The following ZNF444 variants were observed in gnomAD, a reference collection of about 807,000 sequenced individuals.
ZNF444 encodes zinc finger protein 444.
ZNF444 carries 8 observed loss-of-function variants against 14.4 expected under a neutral mutation model. The observed-to-expected ratio is 0.56, with a 90% CI of 0.33 to 1.00. The LOEUF (loss-of-function observed/expected upper bound fraction) is 1.00, where lower values mean the gene tolerates loss of function less well. ZNF444 is among the 50% of genes least tolerant of loss of function. ZNF444 has a pLI of 0.03. For synonymous variants in ZNF444, 258 were observed against 235.9 expected (o/e 1.09, Z -0.86); for missense variants, 510 against 504.8 (o/e 1.01, Z -0.10).
intron 4 of ZNF444, among the ~76,000 whole-genome samples, 166 bp from the exon 5 acceptor site, chr19:56,159,458 A>T (rs1173493646): frequency 6.6e-6 from 1 of 152,102 alleles, no homozygotes; most frequent in Non-Finnish European, 1.5e-5. Flanking sequence ...GCCAGGCACT[A>T]CTAGGTACCG....
At position 56,145,391 on chromosome 19, in the gene ZNF444, G is replaced by C. The variant is rs944238372; in HGVS notation, c.-196-856G>C. Among the ~76,000 whole-genome samples, 4 of 152,190 alleles carry C rather than the reference G, an allele frequency of 2.6e-5. No homozygotes were observed. Among genetic ancestry groups the C allele is most frequent in the Admixed American group, 1.3e-4 (2 of 15,282 alleles). ...ACCTGAGGTCAGGAGTTTGAGACCAGTCTGGCCAACCTGGCGAAACCCCGT... is the reference window on the plus strand; with the variant it reads ...ACCTGAGGTCAGGAGTTTGAGACCACTCTGGCCAACCTGGCGAAACCCCGT... On this transcript the variant is annotated intron_variant, in intron 1 of 4. Transcript: ENST00000337080. This position sits in a 1 kb window ranked among gnomAD's most constrained non-coding sequence, Gnocchi z 4.3.
chr19:56,159,997 C>T lies in ZNF444; in HGVS notation c.780C>T (p.Tyr260=). ...GCTGCGAGTGTGGCAAGACCTTCTA[C>T]TGGCGCGAGCACCTGGTGCGCCACC... ...HACCECGKTF[Y]WREHLVRHRK... The change falls in exon 5 of 5, where the codon TAC becomes TAT. Residue 260 remains tyrosine, a synonymous_variant. Coordinates refer to ENST00000337080, the MANE Select transcript of ZNF444 (RefSeq NM_018337.4). 6.6e-7 allele frequency: 1 copy of T among 1,512,230 alleles called. No homozygotes were observed. Among genetic ancestry groups the T allele is most frequent in the South Asian group, 1.2e-5 (1 of 82,436 alleles). The allele number at this position is 1,512,230 out of a possible 1,614,324, so 93.7% of individuals were successfully genotyped here. A position where few individuals can be genotyped will look rare whatever the true frequency, so the allele number is the denominator to read the frequency against.
chr19:56,148,439 G>T (rs567923992), intron 3 of ZNF444, among the ~76,000 whole-genome samples: 1 of 152,170 alleles, frequency 6.6e-6, no homozygotes, highest in African/African-American at 2.4e-5. Flanking sequence ...AGCAGAGAGG[G>T]GGCATCTCGG....
chr19:56,142,326 C>G (rs2030881170), intron 1 of ZNF444: 1 of 152,226 alleles, frequency 6.6e-6, no homozygotes. Flanking sequence ...GTACCTCGTC[C>G]AAGGACACAG....
chr19:56,153,303 G>T (rs948041944), intron 3 of ZNF444, among the ~76,000 whole-genome samples: 2 of 152,194 alleles, frequency 1.3e-5, no homozygotes, highest in Admixed American at 1.3e-4. Flanking sequence ...GGTATGTCTA[G>T]CCCCAGCTGG....
chr19:56,142,544 G>A (rs915787403), intron 1 of ZNF444, among the ~76,000 whole-genome samples: 2 of 152,182 alleles, frequency 1.3e-5, no homozygotes, highest in Non-Finnish European at 2.9e-5. Flanking sequence ...GGTAGACATC[G>A]TATGTTGCAC....
intron 3 of ZNF444, chr19:56,154,797 C>T (rs915870731): frequency 1.3e-5 from 2 of 152,242 alleles, no homozygotes; most frequent in Non-Finnish European, 2.9e-5. Context: ...AGCTTGATCC[C>T]ACAGTGGGTG....
At chr19:56,143,514 G>C (rs550672335) in intron 1 of ZNF444, 5 of 152,386 alleles carry the variant, frequency 3.3e-5, no homozygotes, top group African/African-American at 1.2e-4. Flanking sequence ...ATGGATGGGT[G>C]GGGTGGGAGG....
chr19:56,153,072 C>T (rs1216868571), intron 3 of ZNF444, among the ~76,000 whole-genome samples: 3 of 152,044 alleles, frequency 2.0e-5, no homozygotes, highest in Non-Finnish European at 4.4e-5. Flanking sequence ...TGCCTCATGA[C>T]CTGTGTGAGC....
chr19:56,160,091 C>T lies in ZNF444; in HGVS notation c.874C>T (p.His292Tyr). Reference protein sequence around the residue: ...ECGKGFGRREHVLRHQRIHGR... With the variant: ...ECGKGFGRREYVLRHQRIHGR... ...TGGCAAGGGCTTCGGGCGCCGCGAG[C>T]ACGTGCTGCGCCACCAGCGCATCCA... Residue 292 changes from histidine to tyrosine, a missense_variant, in exon 5 of 5, where the codon CAC becomes TAC. Transcript: ENST00000337080. 6.7e-7 allele frequency: 1 copy of T among 1,499,600 alleles called. No individual in the cohort carries two copies. The highest frequency in any genetic ancestry group is 8.9e-7 in the Non-Finnish European group (1 of 1,129,898). The allele number at this position is 1,499,600 out of a possible 1,614,324, so 92.9% of individuals were successfully genotyped here.
At chr19:56,139,237 G>C (rs1280407197), upstream of ZNF444, among the ~76,000 whole-genome samples, 1 of 152,128 alleles carries the variant, frequency 6.6e-6, no homozygotes, top group Non-Finnish European at 1.5e-5. Flanking sequence ...GCAGGAGGCA[G>C]AAGAGGCGAG....
rs920947180 is a variant in ZNF444, at chr19:56,160,422, T to C, written c.*221T>C. 6.5e-6 allele frequency: 3 copies of C among 461,660 alleles called. No individual in the cohort carries two copies. The highest frequency in any genetic ancestry group is 1.1e-5 in the Non-Finnish European group (3 of 263,698). The allele number at this position is 461,660 out of a possible 1,614,324, so 28.6% of individuals were successfully genotyped here. A position where few individuals can be genotyped will look rare whatever the true frequency, so the allele number is the denominator to read the frequency against. On this transcript the variant is annotated 3_prime_UTR_variant, in exon 5 of 5. Coordinates refer to ENST00000337080, the MANE Select transcript of ZNF444 (RefSeq NM_018337.4). Reference sequence around the variant, plus strand: ...CTCAGGTCTCACCTCAGCCCCCCCCTTCTCCCTGATTTCTCGGCCTCTCTC... The same window carrying C: ...CTCAGGTCTCACCTCAGCCCCCCCCCTCTCCCTGATTTCTCGGCCTCTCTC...
chr19:56,146,602 C>T (rs2031196555), intron 2 of ZNF444, among the ~76,000 whole-genome samples, 182 bp downstream of exon 2: 1 of 152,088 alleles, frequency 6.6e-6, no homozygotes, highest in Non-Finnish European at 1.5e-5. Context: ...TCAGCCTGGC[C>T]AACATGGTGA....
At chr19:56,143,007 A>G (rs1193589855) in intron 1 of ZNF444, among the ~76,000 whole-genome samples, 2 of 152,204 alleles carry the variant, frequency 1.3e-5, no homozygotes, top group East Asian at 3.9e-4. Context: ...GTGGGGCAGT[A>G]TAAGACACTA....
intron 1 of ZNF444, among the ~76,000 whole-genome samples, chr19:56,133,184 C>T (rs2123449340): frequency 6.6e-6 from 1 of 151,624 alleles, no homozygotes; most frequent in South Asian, 2.1e-4. Flanking sequence ...GTGATCCACC[C>T]ACCTCGGCCT....
In ZNF444 at chr19:56,144,472, G is replaced by T. The variant is rs2031040527; in HGVS notation, c.-196-1775G>T. Among the ~76,000 whole-genome samples the T allele has an allele frequency of 6.6e-6, 1 of 152,152 alleles. No individual in the cohort carries two copies. The highest frequency in any genetic ancestry group is 6.5e-5 in the Admixed American group (1 of 15,268). ...GAAGCAGTTGGAGGGCACTGAGCAA[G>T]GAAGTGACAGGGATTTACAGTGAAA... is the stretch of plus-strand genomic sequence containing the variant. On this transcript the variant is annotated intron_variant, in intron 1 of 4. Transcript: ENST00000337080. This position sits in a 1 kb window ranked among gnomAD's most constrained non-coding sequence, Gnocchi z 4.0.
chr19:56,147,662 C>A lies in ZNF444; in HGVS notation c.297+454C>A, dbSNP rs1036551439. ...ACTCCTCCCCGTTCTGTGTGGCTGA[C>A]CTCAGCCTCCCGCCCCCTGAAAGTC... On this transcript the variant is annotated intron_variant, in intron 3 of 4. Transcript: ENST00000337080. The surrounding 1 kb of genome is among the most constrained non-coding windows in gnomAD (Gnocchi z 5.9). Among the ~76,000 whole-genome samples the A allele has an allele frequency of 6.6e-6, 1 of 152,118 alleles. No individual in the cohort carries two copies. The highest frequency in any genetic ancestry group is 1.5e-5 in the Non-Finnish European group (1 of 68,008).
upstream of ZNF444, chr19:56,141,009 C>G (rs1226258077): frequency 6.6e-6 from 1 of 152,162 alleles, no homozygotes. Flanking sequence ...GCGACATTTG[C>G]GCCGTCAAGG....
upstream of ZNF444, among the ~76,000 whole-genome samples, chr19:56,139,425 C>T (rs184842995): frequency 1.3e-5 from 2 of 152,226 alleles, no homozygotes; most frequent in African/African-American, 2.4e-5. Flanking sequence ...TGGTGGTTCA[C>T]GCTTGCAATC....
Sources: gnomAD v4.1 joint callset for allele counts (sites outside exome capture counted in the v4.1 genomes callset) on GRCh38, gnomAD v4.1.1 for gene constraint, Gnocchi (gnomAD v3.1) non-coding constraint, MANE v1.5 for transcripts, NCBI Gene and HGNC (gene_info 2026-07-23, HGNC 2026-07-21) for gene names.